Variants in ANKFN1 observed in about 807,000 individuals in gnomAD.
ANKFN1 encodes ankyrin repeat and fibronectin type-III domain-containing protein 1.
Under a neutral mutation model 108.7 loss-of-function variants are expected in ANKFN1, and 74 were observed. The ratio of observed to expected loss-of-function variants is 0.68; its 90% CI spans 0.56 to 0.83. The LOEUF is 0.83. Among genes scored for constraint, ANKFN1 ranks in the 40% least tolerant of loss-of-function variants. The pLI, the probability that ANKFN1 is intolerant of heterozygous loss-of-function variation, is 0.00. For synonymous variants in ANKFN1, 547 were observed against 516.2 expected (o/e 1.06, Z -0.81); for missense variants, 1,505 against 1,382.3 (o/e 1.09, Z -1.41).
intron 5 of ANKFN1, 69 bp from the exon 6 acceptor site, chr17:56,353,767 C>T (rs1567937864): frequency 6.9e-7 from 1 of 1,444,254 alleles, no homozygotes; most frequent in Non-Finnish European, 9.7e-7. Context: ...CTTTAAACTT[C>T]AAAAGAGCTA....
At chr17:56,161,649 T>C (rs796593732) in intron 1 of ANKFN1, among the ~76,000 whole-genome samples, 24 of 152,326 alleles carry the variant, frequency 1.6e-4, no homozygotes, top group African/African-American at 5.8e-4. Context: ...ACGTATATGC[T>C]TAATAAACAT....
chr17:56,430,442 T>C (rs2048714902), intron 8 of ANKFN1, among the ~76,000 whole-genome samples: 1 of 151,590 alleles, frequency 6.6e-6, no homozygotes, highest in African/African-American at 2.4e-5. Flanking sequence ...CTTCAGTTAG[T>C]AATACTGCAT....
intron 4 of ANKFN1, among the ~76,000 whole-genome samples, chr17:56,088,395 G>C (rs1455628579): frequency 6.6e-6 from 1 of 151,302 alleles, no homozygotes; most frequent in Non-Finnish European, 1.5e-5. Context: ...CAATCTTGCT[G>C]TCTGTCTGTC....
chr17:56,389,647 T>C (rs1259595802), intron 8 of ANKFN1, among the ~76,000 whole-genome samples: 1 of 152,164 alleles, frequency 6.6e-6, no homozygotes, highest in African/African-American at 2.4e-5. Context: ...TTGTGTAAGT[T>C]AGCTAGAGAC....
At chr17:56,184,950 A>G (rs949223374) in intron 1 of ANKFN1, 1 of 152,248 alleles carries the variant, frequency 6.6e-6, no homozygotes, top group East Asian at 1.9e-4. Flanking sequence ...ATGAGCTAAC[A>G]GAAGGAAATA....
chr17:56,422,093 T>G (rs1197928015), intron 8 of ANKFN1, among the ~76,000 whole-genome samples: 4 of 152,200 alleles, frequency 2.6e-5, no homozygotes, highest in African/African-American at 9.6e-5. Context: ...AAAACTAATT[T>G]TATCCAAATG....
upstream of ANKFN1, among the ~76,000 whole-genome samples, chr17:56,149,799 C>T (rs2143433129): frequency 6.6e-6 from 1 of 152,358 alleles, no homozygotes; most frequent in Middle Eastern, 3.4e-3. Context: ...TCCTGTTCTC[C>T]ATGACGACAT....
At chr17:56,066,691 A>G (rs1905062089) in intron 4 of ANKFN1, among the ~76,000 whole-genome samples, 2 of 152,092 alleles carry the variant, frequency 1.3e-5, no homozygotes, top group Non-Finnish European at 2.9e-5. Context: ...AATCTCCAGA[A>G]CTGTTTTCTT....
rs563973327 is a variant in ANKFN1, at chr17:56,304,570, A to G, written c.54-21651A>G. Among the ~76,000 whole-genome samples the G allele has an allele frequency of 5.9e-5, 9 of 152,192 alleles. 1 individual carries two copies. In the South Asian group the frequency reaches 1.7e-3, roughly 28 times the overall value. On this transcript the variant is annotated intron_variant, in intron 3 of 20. Coordinates refer to ENST00000682825, the MANE Select transcript of ANKFN1 (RefSeq NM_001370326.1). ...CTTAGTTTTAAAAAAAATCTCCCAA[A>G]CTGTTTTCCAGAATGGTTGTACAAT...
chr17:56,469,951 C>G (rs1316919305), intron 15 of ANKFN1, among the ~76,000 whole-genome samples: 2 of 152,026 alleles, frequency 1.3e-5, no homozygotes, highest in African/African-American at 4.8e-5. Flanking sequence ...CTTGCCCCTA[C>G]CAACAGGCCC....
intron 3 of ANKFN1, among the ~76,000 whole-genome samples, chr17:56,235,685 G>C (rs1376534896): frequency 1.3e-5 from 2 of 151,998 alleles, no homozygotes; most frequent in African/African-American, 4.8e-5. Context: ...CTTATTTCTA[G>C]GCTCCTTATT....
At chr17:56,365,592 C>T (rs1003611820) in intron 6 of ANKFN1, among the ~76,000 whole-genome samples, 2 of 152,158 alleles carry the variant, frequency 1.3e-5, no homozygotes, top group Admixed American at 6.5e-5. Context: ...CCTTTTACCA[C>T]GTTGCTTGCA....
chr17:56,115,409 G>A (rs531838800), intron 4 of ANKFN1, among the ~76,000 whole-genome samples: 2 of 152,224 alleles, frequency 1.3e-5, no homozygotes, highest in South Asian at 4.2e-4. Context: ...AAGCAAGTTG[G>A]AGAATATCAC....
intron 4 of ANKFN1, among the ~76,000 whole-genome samples, chr17:56,076,291 A>G (rs1905180344): frequency 6.6e-6 from 1 of 152,196 alleles, no homozygotes; most frequent in African/African-American, 2.4e-5. Flanking sequence ...TATACCAGAG[A>G]TGGGTATTGC....
chr17:56,091,840 A>T (rs1363115088), intron 4 of ANKFN1, among the ~76,000 whole-genome samples: 1 of 151,408 alleles, frequency 6.6e-6, no homozygotes, highest in Non-Finnish European at 1.5e-5. Flanking sequence ...AACTAGTTGA[A>T]TTGATATGTA....
intron 20 of ANKFN1, among the ~76,000 whole-genome samples, chr17:56,504,965 A>G (rs2051506021): frequency 6.6e-6 from 1 of 150,854 alleles, no homozygotes; most frequent in East Asian, 1.9e-4. Context: ...GAGCCACCGC[A>G]CCCAGCCCAC....
In ANKFN1 at chr17:56,266,967, C is replaced by T. The variant is rs1239758239; in HGVS notation, c.53+39010C>T. ...CCTTGGCTACCAAGAAGTTCAATGC[C>T]TAGTCTTCCACTCAGTTGTCATTGA... On this transcript the variant is annotated intron_variant, in intron 3 of 20. Coordinates refer to ENST00000682825, the MANE Select transcript of ANKFN1 (RefSeq NM_001370326.1). Among the ~76,000 whole-genome samples the T allele has an allele frequency of 2.0e-5, 3 of 152,086 alleles. No homozygotes were observed. In the East Asian group the frequency reaches 5.8e-4, roughly 29 times the overall value.
chr17:56,271,150 C>T (rs1191607942), intron 3 of ANKFN1, among the ~76,000 whole-genome samples: 3 of 152,042 alleles, frequency 2.0e-5, no homozygotes, highest in African/African-American at 7.2e-5. Flanking sequence ...ACTGGGACTT[C>T]AGGCGCACCA....
intron 1 of ANKFN1, among the ~76,000 whole-genome samples, chr17:56,159,440 GT>G (rs1231064599): frequency 1.3e-5 from 2 of 152,186 alleles, no homozygotes; most frequent in Non-Finnish European, 2.9e-5. Flanking sequence ...TAGTACTTCT[GT>G]GAGTTCTGAA....
Sources: allele counts gnomAD v4.1 joint callset (sites outside exome capture counted in the v4.1 genomes callset), GRCh38; gene constraint gnomAD v4.1.1; transcripts MANE v1.5; gene names NCBI Gene and HGNC (gene_info 2026-07-23, HGNC 2026-07-21).